Variants in CARMIL1 observed in about 807,000 individuals in gnomAD.
CARMIL1 encodes capping protein regulator and myosin 1 linker 1.
CARMIL1 carries 90 observed loss-of-function variants against 177.1 expected under a neutral mutation model. The observed-to-expected ratio is 0.51, with a 90% CI of 0.43 to 0.61. The LOEUF (loss-of-function observed/expected upper bound fraction) is 0.61, where lower values mean the gene tolerates loss of function less well. Ranked by LOEUF, CARMIL1 falls within the 20% of genes least tolerant of loss-of-function variation. The pLI is 0.00. For missense variants in CARMIL1, 1,380 were observed against 1,667.0 expected (o/e 0.83, Z 3.00); for synonymous variants, 577 against 606.2 (o/e 0.95, Z 0.71).
At chr6:25,568,818 T>C (rs1385903186) in intron 29 of CARMIL1, among the ~76,000 whole-genome samples, 1 of 152,252 alleles carries the variant, frequency 6.6e-6, no homozygotes, top group Non-Finnish European at 1.5e-5. Context: ...ATGTGGTTAT[T>C]TGATATTGAA....
At chr6:25,451,996 C>CCCCG (rs1798991795) in intron 8 of CARMIL1, 1 of 42,886 alleles carries the variant, frequency 2.3e-5, no homozygotes, top group South Asian at 4.7e-4. Flanking sequence ...GCCCCCCCCT[C>CCCCG]CCCCCCCCAG....
At chr6:25,286,047 A>AT (rs111371239) in intron 2 of CARMIL1, among the ~76,000 whole-genome samples, 7,560 of 151,898 alleles carry the variant, frequency 0.05, 592 homozygotes, top group African/African-American at 0.17. Flanking sequence ...AATTTTGTTT[A>AT]TTTTTTGTAG....
At chr6:25,559,164 C>T (rs745457074) in intron 29 of CARMIL1, among the ~76,000 whole-genome samples, 1 of 152,088 alleles carries the variant, frequency 6.6e-6, no homozygotes, top group Non-Finnish European at 1.5e-5. Context: ...TAAAGGAAAT[C>T]GATTTTCTGA....
intron 2 of CARMIL1, among the ~76,000 whole-genome samples, chr6:25,371,426 A>G (rs1790420215): frequency 6.6e-6 from 1 of 152,002 alleles, no homozygotes; most frequent in African/African-American, 2.4e-5. Flanking sequence ...CATCTATTGT[A>G]TTTTACCTTT....
intron 5 of CARMIL1, among the ~76,000 whole-genome samples, chr6:25,440,192 A>G (rs1249176688): frequency 1.3e-5 from 2 of 152,230 alleles, no homozygotes; most frequent in African/African-American, 4.8e-5. Flanking sequence ...CCTTCAAACC[A>G]TGAACTCATT....
Position 25,537,558 on chromosome 6 carries a change from G to C in CARMIL1, c.2068-297G>C, listed in dbSNP as rs568645091. Among the ~76,000 whole-genome samples, 40 of 152,340 alleles carry C rather than the reference G, an allele frequency of 2.6e-4. No individual in the cohort carries two copies. In the South Asian group the frequency reaches 4.1e-3, roughly 16 times the overall value. On this transcript the variant is annotated intron_variant, in intron 24 of 36. Transcript: ENST00000329474. ...ACTGAGTGAGGTTCTGAATCATCAAGAAGTGTTCACTTTTGTTCTACGTGC... is the reference window on the plus strand; with the variant it reads ...ACTGAGTGAGGTTCTGAATCATCAACAAGTGTTCACTTTTGTTCTACGTGC...
At chr6:25,498,752 C>T (rs1803992796) in intron 16 of CARMIL1, among the ~76,000 whole-genome samples, 1 of 152,310 alleles carries the variant, frequency 6.6e-6, no homozygotes, top group African/African-American at 2.4e-5. Context: ...ACTCGCTGGG[C>T]TGGGATGTGA....
rs1006101021 is a variant in CARMIL1, at chr6:25,572,182, A to AT, written c.2743-8732dup. Among the ~76,000 whole-genome samples the AT allele has an allele frequency of 4.5e-4, 68 of 151,028 alleles. No individual in the cohort carries two copies. In the East Asian group the frequency reaches 0.012, roughly 27 times the overall value. On this transcript the variant is annotated intron_variant, in intron 29 of 36. Coordinates refer to ENST00000329474, the MANE Select transcript of CARMIL1 (RefSeq NM_017640.6). ...GTCAACAACCTTTAAATGGTTCAGA[A>AT]TTTTTTTTTTCTGTGTTTGTGTTAG...
chr6:25,612,758 A>G, intron 36 of CARMIL1: 1 of 985,408 alleles, frequency 1.0e-6, no homozygotes, highest in Non-Finnish European at 1.2e-6. Context: ...GGAGATTATT[A>G]CAAAAGACAT....
rs541155825 is a variant in CARMIL1, at chr6:25,450,231, G to T, written c.470-108G>T. ...TCTTTGCTGTTTTCCCCCCTAAAAAGGAAAAGGATAATCAGCATTGTCAAC... is the reference window on the plus strand; with the variant it reads ...TCTTTGCTGTTTTCCCCCCTAAAAATGAAAAGGATAATCAGCATTGTCAAC... On this transcript the variant is annotated intron_variant, in intron 6 of 36. Coordinates refer to ENST00000329474, the MANE Select transcript of CARMIL1 (RefSeq NM_017640.6). The T allele has an allele frequency of 5.9e-5, 49 of 831,000 alleles. No homozygotes were observed. In the African/African-American group the frequency reaches 7.6e-4, roughly 13 times the overall value. The allele number at this position is 831,000 out of a possible 1,614,324, so 51.5% of individuals were successfully genotyped here.
chr6:25,366,831 A>G (rs533265006), intron 2 of CARMIL1, among the ~76,000 whole-genome samples: 47 of 152,236 alleles, frequency 3.1e-4, no homozygotes, highest in African/African-American at 1.0e-3. Flanking sequence ...TTTCTTGCCT[A>G]CTTAAAATGT....
chr6:25,391,701 C>T (rs997373231), intron 2 of CARMIL1, among the ~76,000 whole-genome samples: 69 of 152,132 alleles, frequency 4.5e-4, no homozygotes, highest in African/African-American at 1.6e-3. Flanking sequence ...ACCATATTGC[C>T]AGGGCTCAAA....
chr6:25,289,110 A>G (rs1024631538), intron 2 of CARMIL1, among the ~76,000 whole-genome samples: 4 of 152,224 alleles, frequency 2.6e-5, no homozygotes, highest in Admixed American at 1.3e-4. Context: ...AGGCTTGAAT[A>G]GGCTCTCCAT....
At chr6:25,592,627 A>G (rs549310727) in intron 31 of CARMIL1, among the ~76,000 whole-genome samples, 2 of 152,306 alleles carry the variant, frequency 1.3e-5, no homozygotes, top group East Asian at 1.9e-4. Context: ...ACTCAAACAC[A>G]TAGTTCATTT....
chr6:25,409,091 G>C, intron 2 of CARMIL1, among the ~76,000 whole-genome samples: 1 of 152,164 alleles, frequency 6.6e-6, no homozygotes, highest in East Asian at 1.9e-4. Context: ...TTATATCAAA[G>C]TTTATCCCAT....
At chr6:25,572,720 A>G (rs559374194) in intron 29 of CARMIL1, among the ~76,000 whole-genome samples, 1 of 151,654 alleles carries the variant, frequency 6.6e-6, no homozygotes, top group African/African-American at 2.4e-5. Flanking sequence ...AAAAAAAAAA[A>G]AAAAAAAGGT....
intron 9 of CARMIL1, 75 bp downstream of exon 9, chr6:25,466,023 A>C (rs960826134): frequency 1.8e-6 from 2 of 1,098,816 alleles, no homozygotes; most frequent in Non-Finnish European, 1.4e-6. Flanking sequence ...TGGGAAAAAA[A>C]CAATTTTTTT....
Position 25,279,638 on chromosome 6 carries a change from G to T in CARMIL1, c.-158G>T. 3.0e-6 allele frequency: 2 copies of T among 666,422 alleles called. No individual in the cohort carries two copies. Among genetic ancestry groups the T allele is most frequent in the Non-Finnish European group, 2.7e-6 (1 of 371,056 alleles). The allele number at this position is 666,422 out of a possible 1,614,324, so 41.3% of individuals were successfully genotyped here. A position where few individuals can be genotyped will look rare whatever the true frequency, so the allele number is the denominator to read the frequency against. ...TTTTTTTTTTTTTGGTGGGGCGGGGGGCGCGCGGCAAAATTCTGTCTCCGC... is the reference window on the plus strand; with the variant it reads ...TTTTTTTTTTTTTGGTGGGGCGGGGTGCGCGCGGCAAAATTCTGTCTCCGC... On this transcript the variant is annotated 5_prime_UTR_variant, in exon 1 of 37. Transcript: ENST00000329474.
chr6:25,580,719 A>T (rs1343231064), intron 29 of CARMIL1, among the ~76,000 whole-genome samples: 2 of 152,208 alleles, frequency 1.3e-5, no homozygotes, highest in African/African-American at 4.8e-5. Context: ...CTGGTTAGGG[A>T]TGAAACAAAG....
Sources: gnomAD v4.1 joint callset for allele counts (sites outside exome capture counted in the v4.1 genomes callset) on GRCh38, gnomAD v4.1.1 for gene constraint, MANE v1.5 for transcripts, NCBI Gene and HGNC (gene_info 2026-07-23, HGNC 2026-07-21) for gene names.